ASTN2: variants seen among roughly 807,000 people sequenced by gnomAD.
ASTN2 encodes the protein astrotactin-2.
ASTN2 carries 54 observed loss-of-function variants against 139.8 expected under a neutral mutation model. That is an observed-to-expected ratio of 0.39 (90% CI 0.31 to 0.48). The LOEUF is 0.48. ASTN2 is among the 20% of genes least tolerant of loss of function. ASTN2 has a pLI of 0.95. For synonymous variants in ASTN2, 756 were observed against 719.5 expected (o/e 1.05, Z -0.81); for missense variants, 1,565 against 1,725.1 (o/e 0.91, Z 1.64).
rs144826303 is a variant in ASTN2 at position 117,358,948 on chromosome 9, C to T, written c.442+55549G>A. Among the ~76,000 whole-genome samples, 115 of 152,204 alleles carry T rather than the reference C, an allele frequency of 7.6e-4. 1 individual carries two copies. Among genetic ancestry groups the T allele is most frequent in the African/African-American group, 2.4e-3 (101 of 41,548 alleles). On this transcript the variant is annotated intron_variant, in intron 1 of 22. Transcript: ENST00000313400. ...ACCTCTCACTAGCTTCTTCCTGAAA[C>T]GTTGATCTCCAACATCGGTGAATGG...
At chr9:117,072,015 C>T (rs918739044) in intron 5 of ASTN2, among the ~76,000 whole-genome samples, 6 of 152,154 alleles carry the variant, frequency 3.9e-5, no homozygotes, top group Admixed American at 6.5e-5. Flanking sequence ...TGTTCCTATT[C>T]GGCCATCTTG....
chr9:117,003,940 ACG>A (rs772588901), intron 7 of ASTN2, among the ~76,000 whole-genome samples: 7 of 144,608 alleles, frequency 4.8e-5, no homozygotes, highest in African/African-American at 1.9e-4. Flanking sequence ...TGTTTCTTTC[ACG>A]CGCGCGCGCG....
intron 20 of ASTN2, among the ~76,000 whole-genome samples, chr9:116,472,433 G>A (rs1848840965): frequency 6.6e-6 from 1 of 152,064 alleles, no homozygotes; most frequent in African/African-American, 2.4e-5. Context: ...CTTTATTATG[G>A]GGCAAATCAC....
chr9:116,766,274 C>T (rs1375343851), intron 13 of ASTN2, among the ~76,000 whole-genome samples: 1 of 152,056 alleles, frequency 6.6e-6, no homozygotes, highest in Non-Finnish European at 1.5e-5. Context: ...CACACACACT[C>T]ATCTCACATT....
intron 4 of ASTN2, among the ~76,000 whole-genome samples, chr9:117,134,300 A>G (rs1447079802): frequency 5.0e-5 from 2 of 39,850 alleles, no homozygotes; most frequent in Admixed American, 3.8e-4. Flanking sequence ...ATATATACAC[A>G]CACACACACA....
chr9:116,506,724 A>G (rs1396801607), intron 19 of ASTN2, among the ~76,000 whole-genome samples: 1 of 152,168 alleles, frequency 6.6e-6, no homozygotes, highest in Non-Finnish European at 1.5e-5. Context: ...ACCCTTTCAG[A>G]GTAATTTCCG....
chr9:117,141,316 G>T lies in ASTN2; in HGVS notation c.1168+10C>A. Reference sequence around the variant, plus strand: ...CTGACTTCCTGGCCAGATGTGCCAGGAGGGCCTACCTCGAGACTTGCTCCT... The same window carrying T: ...CTGACTTCCTGGCCAGATGTGCCAGTAGGGCCTACCTCGAGACTTGCTCCT... On this transcript the variant is annotated intron_variant, in intron 4 of 22. Transcript: ENST00000313400. 7.3e-7 allele frequency: 1 copy of T among 1,366,682 alleles called. No individual in the cohort carries two copies. The allele number at this position is 1,366,682 out of a possible 1,614,324, so 84.7% of individuals were successfully genotyped here.
At chr9:117,086,528 C>T (rs1444599785) in intron 5 of ASTN2, among the ~76,000 whole-genome samples, 6 of 152,102 alleles carry the variant, frequency 3.9e-5, no homozygotes, top group African/African-American at 7.2e-5. Context: ...GAGCTGAGAT[C>T]GTACCATTGC....
chr9:117,111,856 T>C (rs1207684433), intron 4 of ASTN2, among the ~76,000 whole-genome samples: 1 of 151,944 alleles, frequency 6.6e-6, no homozygotes, highest in Non-Finnish European at 1.5e-5. Flanking sequence ...GGAATGAAAC[T>C]GTATTTTTTA....
chr9:117,243,518 C>T (rs930054910), intron 2 of ASTN2, among the ~76,000 whole-genome samples: 1 of 152,178 alleles, frequency 6.6e-6, no homozygotes, highest in African/African-American at 2.4e-5. Flanking sequence ...TTATTAATTA[C>T]TGATGCCTCA....
At chr9:117,026,010 C>G (rs1005692719) in intron 6 of ASTN2, among the ~76,000 whole-genome samples, 4 of 152,032 alleles carry the variant, frequency 2.6e-5, no homozygotes, top group Non-Finnish European at 5.9e-5. Flanking sequence ...AGTATTCTGC[C>G]CACCTCAGCC....
chr9:117,400,654 G>A lies in ASTN2; in HGVS notation c.442+13843C>T, dbSNP rs1050352230. Among the ~76,000 whole-genome samples, 7 of 152,172 alleles carry A rather than the reference G, an allele frequency of 4.6e-5. 1 individual carries two copies. The highest frequency in any genetic ancestry group is 3.2e-3 in the Middle Eastern group (1 of 314). ...GTCGCACCTGGGTTCAGAGCTGAGT[G>A]TTTGATCTTCAGAGGCCCCAGAAAG... is the stretch of plus-strand genomic sequence containing the variant. On this transcript the variant is annotated intron_variant, in intron 1 of 22. Coordinates refer to ENST00000313400, the MANE Select transcript of ASTN2 (RefSeq NM_001365068.1).
intron 2 of ASTN2, among the ~76,000 whole-genome samples, chr9:117,267,362 T>C (rs555791523): frequency 2.0e-5 from 3 of 152,266 alleles, no homozygotes; most frequent in South Asian, 2.1e-4. Flanking sequence ...GCAAGGTCTT[T>C]AGTTAATAGT....
At position 116,429,402 on chromosome 9, in the gene ASTN2, A is replaced by G. The variant is rs139153948; in HGVS notation, c.3783-3314T>C. On this transcript the variant is annotated intron_variant, in intron 22 of 22. Transcript: ENST00000313400. ...CACACTCAGGTGTTAACTGTTTCCCACTGTTGTACTTACAGGTGTTGGTTT... is the reference window on the plus strand; with the variant it reads ...CACACTCAGGTGTTAACTGTTTCCCGCTGTTGTACTTACAGGTGTTGGTTT... 8.7e-4 allele frequency among the ~76,000 whole-genome samples: 128 copies of G among 147,706 alleles called. 1 individual carries two copies. Among genetic ancestry groups the G allele is most frequent in the African/African-American group, 2.8e-3 (114 of 40,198 alleles).
chr9:117,408,176 A>C (rs1373363984), intron 1 of ASTN2, among the ~76,000 whole-genome samples: 1 of 152,032 alleles, frequency 6.6e-6, no homozygotes, highest in African/African-American at 2.4e-5. Flanking sequence ...GGGAGAGGAA[A>C]GAGTGTCCCC....
chr9:117,129,608 T>C, intron 4 of ASTN2, among the ~76,000 whole-genome samples: 1 of 152,186 alleles, frequency 6.6e-6, no homozygotes, highest in Middle Eastern at 3.2e-3. Flanking sequence ...ATATTATTAT[T>C]AGTAGTAGTT....
At chr9:116,799,713 G>GA (rs1407971922) in intron 13 of ASTN2, among the ~76,000 whole-genome samples, 1 of 144,804 alleles carries the variant, frequency 6.9e-6, no homozygotes, top group Non-Finnish European at 1.5e-5. Context: ...GAGTGGGGGG[G>GA]GGGAGAATAA....
intron 1 of ASTN2, among the ~76,000 whole-genome samples, chr9:117,295,499 T>G (rs1273634214): frequency 1.3e-5 from 2 of 152,102 alleles, no homozygotes; most frequent in Non-Finnish European, 2.9e-5. Context: ...TAATACATGC[T>G]CAGTAAATAA....
intron 9 of ASTN2, among the ~76,000 whole-genome samples, chr9:116,975,856 A>G (rs1836328152): frequency 6.6e-6 from 1 of 152,242 alleles, no homozygotes; most frequent in East Asian, 1.9e-4. Flanking sequence ...GTATTTTTAA[A>G]CCACTGGACT....
Sources: gnomAD v4.1 joint callset for allele counts (sites outside exome capture counted in the v4.1 genomes callset) on GRCh38, gnomAD v4.1.1 for gene constraint, MANE v1.5 for transcripts, NCBI Gene and HGNC (gene_info 2026-07-23, HGNC 2026-07-21) for gene names.